Variants in CUL4A observed in about 807,000 individuals in gnomAD.
CUL4A encodes the protein cullin 4A.
A neutral mutation model predicts 95.5 loss-of-function variants in CUL4A; 16 were observed. The observed-to-expected ratio is 0.17, with a 90% CI of 0.11 to 0.25. The LOEUF is 0.25. Among genes scored for constraint, CUL4A ranks in the 10% least tolerant of loss-of-function variants. The probability of loss-of-function intolerance (pLI) is 1.00; values close to 1 mark genes in which losing one functional copy is unlikely to be tolerated. For synonymous variants in CUL4A, 380 were observed against 353.1 expected (o/e 1.08, Z -0.85); for missense variants, 610 against 937.0 (o/e 0.65, Z 4.56).
intron 15 of CUL4A, among the ~76,000 whole-genome samples, chr13:113,248,552 CT>C (rs1169369660): frequency 6.6e-6 from 1 of 152,026 alleles, no homozygotes; most frequent in African/African-American, 2.4e-5. Flanking sequence ...GTAAAATATA[CT>C]TTAACATTCA....
chr13:113,233,825 C>T, intron 6 of CUL4A, 72 bp from the exon 7 acceptor site: 1 of 907,118 alleles, frequency 1.1e-6, no homozygotes, highest in Non-Finnish European at 1.8e-6. Flanking sequence ...CCGTCAGAAA[C>T]TGGGATGTGT....
chr13:113,231,106 A>G (rs1227046603), intron 5 of CUL4A, among the ~76,000 whole-genome samples: 2 of 152,202 alleles, frequency 1.3e-5, no homozygotes, highest in East Asian at 1.9e-4. Flanking sequence ...AGTTTATACC[A>G]TAACTGTCAT....
At chr13:113,251,562 T>C (rs1197619338) in intron 15 of CUL4A, among the ~76,000 whole-genome samples, 1 of 152,084 alleles carries the variant, frequency 6.6e-6, no homozygotes, top group African/African-American at 2.4e-5. Flanking sequence ...AGCGACCGGA[T>C]CATGGGGGCA....
intron 5 of CUL4A, 132 bp from the exon 6 acceptor site, chr13:113,233,045 C>T: frequency 2.1e-6 from 2 of 941,020 alleles, no homozygotes; most frequent in African/African-American, 1.7e-5. Flanking sequence ...AAAAGGAATT[C>T]TTGGCACCTA....
chr13:113,233,763 G>A (rs532512415), intron 6 of CUL4A, 134 bp from the exon 7 acceptor site: 36 of 663,290 alleles, frequency 5.4e-5, no homozygotes, highest in South Asian at 3.9e-4. Flanking sequence ...CAGTGCAGCC[G>A]GCCGGCTGGG....
intron 2 of CUL4A, among the ~76,000 whole-genome samples, chr13:113,211,969 C>T (rs2040465073): frequency 6.6e-6 from 1 of 152,210 alleles, no homozygotes; most frequent in Non-Finnish European, 1.5e-5. Context: ...TCCACTCCGC[C>T]ACCAGCGTGT....
chr13:113,254,888 G>T (rs552400853), intron 17 of CUL4A, 65 bp from the exon 18 acceptor site: 1 of 1,593,718 alleles, frequency 6.3e-7, no homozygotes, highest in South Asian at 1.1e-5. Flanking sequence ...TAGCATGATT[G>T]GTTTACTGTT....
intron 8 of CUL4A, among the ~76,000 whole-genome samples, chr13:113,235,900 G>A (rs879871185): frequency 4.6e-5 from 7 of 151,920 alleles, no homozygotes; most frequent in Non-Finnish European, 1.0e-4. Flanking sequence ...GAGCCCGGGA[G>A]GCAGAGCTTG....
chr13:113,250,338 G>A (rs2041962886), intron 15 of CUL4A, among the ~76,000 whole-genome samples: 1 of 152,146 alleles, frequency 6.6e-6, no homozygotes, highest in Admixed American at 6.5e-5. Context: ...TACAGACCCA[G>A]CCACTCAGGA....
intron 4 of CUL4A, among the ~76,000 whole-genome samples, chr13:113,228,622 C>G (rs1213715973): frequency 6.6e-6 from 1 of 151,866 alleles, no homozygotes; most frequent in Admixed American, 6.6e-5. Context: ...TGGTGAGATG[C>G]GTTCACAAGT....
chr13:113,235,033 A>T, intron 7 of CUL4A, 30 bp from the exon 8 acceptor site: 1 of 1,450,386 alleles, frequency 6.9e-7, no homozygotes, highest in Non-Finnish European at 9.6e-7. Flanking sequence ...TCTTTTTGTT[A>T]CTGATACATT....
At chr13:113,230,611 A>G (rs960863107) in intron 5 of CUL4A, among the ~76,000 whole-genome samples, 1 of 152,218 alleles carries the variant, frequency 6.6e-6, no homozygotes, top group Non-Finnish European at 1.5e-5. Flanking sequence ...GCTCTGTGCA[A>G]GGGACTGTTT....
intron 19 of CUL4A, among the ~76,000 whole-genome samples, chr13:113,262,232 T>C (rs2042299647): frequency 6.6e-6 from 1 of 152,244 alleles, no homozygotes; most frequent in African/African-American, 2.4e-5. Flanking sequence ...GGCTGTTCCC[T>C]CTGGGCAGAG....
chr13:113,263,525 C>T lies in CUL4A; in HGVS notation c.2223C>T (p.Asp741=), dbSNP rs200417550. The stretch of plus-strand genomic sequence containing the variant: ...AAAAGAGAATTGAATCTCTGATAGA[C>T]AGAGACTATATGGAGAGAGACAAAG... ...DLKKRIESLI[D]RDYMERDKDN... Residue 741 remains aspartate, a synonymous_variant, in exon 20 of 20, where the codon GAC becomes GAT. Coordinates refer to ENST00000375440, the MANE Select transcript of CUL4A (RefSeq NM_001008895.4). 5.6e-6 allele frequency: 9 copies of T among 1,608,580 alleles called. No homozygotes were observed. The highest frequency in any genetic ancestry group is 4.5e-5 in the East Asian group (2 of 44,436).
At chr13:113,223,949 T>A (rs9549699) in intron 3 of CUL4A, among the ~76,000 whole-genome samples, 32,584 of 152,138 alleles carry the variant, frequency 0.21, 3,989 homozygotes, top group South Asian at 0.43. Flanking sequence ...ATTTGTACCC[T>A]TGCACTCATA....
chr13:113,258,268 G>A (rs187621578), intron 18 of CUL4A, among the ~76,000 whole-genome samples: 63 of 152,284 alleles, frequency 4.1e-4, no homozygotes, highest in Non-Finnish European at 7.4e-4. Context: ...TGGGATTACA[G>A]CCGTGAGCCA....
At chr13:113,232,599 C>A (rs759837048) in intron 5 of CUL4A, among the ~76,000 whole-genome samples, 94 of 152,352 alleles carry the variant, frequency 6.2e-4, no homozygotes, top group Non-Finnish European at 1.1e-3. Flanking sequence ...CCACTGGCAG[C>A]TGAACCATCT....
chr13:113,227,778 G>A (rs937453017), intron 3 of CUL4A, among the ~76,000 whole-genome samples, 198 bp from the exon 4 acceptor site: 7 of 152,036 alleles, frequency 4.6e-5, no homozygotes, highest in Non-Finnish European at 1.0e-4. Flanking sequence ...GGTGGCACAC[G>A]CCTGTAATCC....
upstream of CUL4A, chr13:113,208,662 C>A (rs756076160): frequency 5.0e-6 from 8 of 1,599,348 alleles, no homozygotes; most frequent in Non-Finnish European, 6.8e-6. Flanking sequence ...GAGAGCGCCA[C>A]CCCCTACGCC....
Sources: gnomAD v4.1 joint callset for allele counts (sites outside exome capture counted in the v4.1 genomes callset) on GRCh38, gnomAD v4.1.1 for gene constraint, MANE v1.5 for transcripts, NCBI Gene and HGNC (gene_info 2026-07-23, HGNC 2026-07-21) for gene names.